The following NEB variants were observed in gnomAD, a reference collection of about 807,000 sequenced individuals.
NEB encodes nebulin, also known as nemaline myopathy type 2.
Under a neutral mutation model 952.2 loss-of-function variants are expected in NEB, and 512 were observed. The observed-to-expected ratio is 0.54, with a 90% CI of 0.50 to 0.58. The LOEUF is 0.58. Ranked by LOEUF, NEB falls within the 20% of genes least tolerant of loss-of-function variation. The pLI, the probability that NEB is intolerant of heterozygous loss-of-function variation, is 0.00. For synonymous variants in NEB, 2,900 were observed against 3,149.8 expected, an observed-to-expected ratio of 0.92 and a Z score of 2.66; for missense variants, 8,428 against 9,231.1, an observed-to-expected ratio of 0.91 and a Z score of 3.56.
intron 181 of NEB, among the ~76,000 whole-genome samples, chr2:151,488,431 G>T (rs2053009875): frequency 6.6e-6 from 1 of 150,382 alleles, no homozygotes; most frequent in Non-Finnish European, 1.5e-5. Flanking sequence ...CAGAGGGCTT[G>T]AGCCTAGGGG....
chr2:151,627,394 T>C, intron 69 of NEB, 129 bp downstream of exon 69: 1 of 1,453,948 alleles, frequency 6.9e-7, no homozygotes, highest in Non-Finnish European at 9.3e-7. Context: ...GGGGAAGAGT[T>C]GCCTAAAAAA....
At chr2:151,721,291 G>T (rs1021270678) in intron 9 of NEB, among the ~76,000 whole-genome samples, 72 of 152,012 alleles carry the variant, frequency 4.7e-4, no homozygotes, top group African/African-American at 1.5e-3. Context: ...ATCTTATGAT[G>T]CCTCTTATTT....
intron 124 of NEB, among the ~76,000 whole-genome samples, chr2:151,559,046 C>A (rs1204694923): frequency 6.6e-6 from 1 of 152,164 alleles, no homozygotes; most frequent in Non-Finnish European, 1.5e-5. Context: ...ATCCATCTGA[C>A]AATGGGCTAC....
chr2:151,523,224 A>C (rs1014072505), intron 153 of NEB, among the ~76,000 whole-genome samples: 2 of 152,190 alleles, frequency 1.3e-5, no homozygotes, highest in Non-Finnish European at 2.9e-5. Flanking sequence ...AAATACTTAT[A>C]CAATTCCATT....
At chr2:151,714,169 T>C (rs1289602949) in intron 10 of NEB, among the ~76,000 whole-genome samples, 1 of 152,084 alleles carries the variant, frequency 6.6e-6, no homozygotes, top group Non-Finnish European at 1.5e-5. Context: ...TCAAGTTTCC[T>C]TATCTGTCTA....
At chr2:151,712,917 C>G (rs1168255007) in intron 10 of NEB, among the ~76,000 whole-genome samples, 1 of 151,812 alleles carries the variant, frequency 6.6e-6, no homozygotes, top group Admixed American at 6.6e-5. Context: ...GGAAACCTTT[C>G]TCTCCAAACT....
chr2:151,697,143 C>A lies in NEB; in HGVS notation c.1470+5G>T, dbSNP rs756706066. ...TCACATTCAAAGTTCAGACTACAGA[C>A]TTACGTCTTTACACTGATCTAGTTT... is the stretch of plus-strand genomic sequence containing the variant. On this transcript the variant is annotated splice_donor_5th_base_variant and intron_variant, in intron 16 of 181. Transcript: ENST00000397345. The A allele has an allele frequency of 1.9e-6, 3 of 1,607,778 alleles. No individual in the cohort carries two copies. The East Asian group carries it at 6.7e-5, about 36-fold the overall frequency.
chr2:151,643,865 G>A lies in NEB; in HGVS notation c.7909C>T (p.Gln2637Ter). ...YLHQWTCLPD[Q>*]SDVIHARQAY... ...TGCCGAGCATGGATGACATCGCTCT[G>A]GTCGGGCAGGCATGTCCACTGGTGC... The change falls in exon 57 of 182, where the codon CAG (glutamine) becomes TAG (stop). Residue 2637 changes from glutamine (Q) to a stop codon, truncating the protein, a stop_gained. Transcript: ENST00000397345. LOFTEE classifies it high-confidence loss of function. 1 of 1,614,040 alleles carries A rather than the reference G, an allele frequency of 6.2e-7. No homozygotes were observed. Among genetic ancestry groups the A allele is most frequent in the Non-Finnish European group, 8.5e-7 (1 of 1,179,886 alleles).
intron 159 of NEB, 148 bp downstream of exon 159, chr2:151,514,170 G>T: frequency 1.6e-6 from 1 of 631,568 alleles, no homozygotes; most frequent in Non-Finnish European, 2.8e-6. Flanking sequence ...TTATGTAATG[G>T]TTAACAATTA....
chr2:151,573,685 A>G (rs975243393), intron 107 of NEB, among the ~76,000 whole-genome samples: 1 of 152,202 alleles, frequency 6.6e-6, no homozygotes, highest in African/African-American at 2.4e-5. Context: ...TTTTGAAAGC[A>G]TGCAAAGTTT....
intron 138 of NEB, 99 bp from the exon 139 acceptor site, chr2:151,538,343 C>A: frequency 2.3e-6 from 2 of 888,180 alleles, no homozygotes; most frequent in South Asian, 3.0e-5. Flanking sequence ...CTGGTTTTCC[C>A]ATGAATACAT....
At chr2:151,504,530 A>G (rs2067261501) in intron 165 of NEB, among the ~76,000 whole-genome samples, 1 of 152,248 alleles carries the variant, frequency 6.6e-6, no homozygotes. Flanking sequence ...GCAGAGAGTG[A>G]GAAGGGAATG....
intron 75 of NEB, among the ~76,000 whole-genome samples, chr2:151,616,426 C>T (rs964665089): frequency 1.3e-4 from 20 of 152,104 alleles, no homozygotes; most frequent in Non-Finnish European, 1.8e-4. Context: ...TGGTGGCTCA[C>T]GCCTGTAATC....
intron 171 of NEB, 26 bp downstream of exon 171, chr2:151,497,600 G>GTT: frequency 6.5e-7 from 1 of 1,547,852 alleles, no homozygotes; most frequent in Non-Finnish European, 8.7e-7. Context: ...TAAATAAGTA[G>GTT]TTTTTTTCTT....
chr2:151,498,435 A>G, intron 169 of NEB, 83 bp from the exon 170 acceptor site: 3 of 921,010 alleles, frequency 3.3e-6, no homozygotes, highest in Non-Finnish European at 5.0e-6. Context: ...GGGAGTGGGA[A>G]GGGAGGAAGA....
At chr2:151,650,069 T>A in intron 54 of NEB, 107 bp downstream of exon 54, 1 of 971,196 alleles carries the variant, frequency 1.0e-6, no homozygotes, top group South Asian at 1.5e-5. Context: ...TATGTGGTGA[T>A]GTATGAGGCA....
chr2:151,730,257 G>A (rs1287250700), intron 3 of NEB, among the ~76,000 whole-genome samples: 1 of 152,160 alleles, frequency 6.6e-6, no homozygotes, highest in Non-Finnish European at 1.5e-5. Flanking sequence ...ACAGAGTGGT[G>A]CTAATATGAA....
At chr2:151,629,012 G>C (rs1002122688) in intron 68 of NEB, among the ~76,000 whole-genome samples, 2 of 152,010 alleles carry the variant, frequency 1.3e-5, no homozygotes, top group African/African-American at 2.4e-5. Context: ...TGTTTTCCTC[G>C]TCTTTGTCTT....
Position 151,650,664 on chromosome 2 carries a change from C to T in NEB, c.7137G>A (p.Val2379=). The change falls in exon 53 of 182, where the codon GTG becomes GTA. Residue 2379 remains valine, a synonymous_variant. Coordinates refer to ENST00000397345, the MANE Select transcript of NEB (RefSeq NM_001164508.2). The part of the protein sequence containing the change: ...AKKCQELVSD[V]DYKNYLHQWT... Reference sequence around the variant, plus strand: ...ACTGATGCAGGTAGTTCTTGTAGTCCACGTCACTAACCAACTCCTGACACT... The same window carrying T: ...ACTGATGCAGGTAGTTCTTGTAGTCTACGTCACTAACCAACTCCTGACACT... 6.2e-7 allele frequency: 1 copy of T among 1,613,496 alleles called. No homozygotes were observed. The highest frequency in any genetic ancestry group is 8.5e-7 in the Non-Finnish European group (1 of 1,179,614).
Sources: allele counts gnomAD v4.1 joint callset (sites outside exome capture counted in the v4.1 genomes callset), GRCh38; gene constraint gnomAD v4.1.1; transcripts MANE v1.5; gene names NCBI Gene and HGNC (gene_info 2026-07-23, HGNC 2026-07-21).